REDIC1: variants seen among roughly 807,000 people sequenced by gnomAD.
REDIC1 encodes regulator of DNA class I crossover intermediates 1, also known as HEI10 Interacting Protein 1.
chr12:39,854,978 A>C, the REDIC1 span, among the ~76,000 whole-genome samples: 1 of 152,228 alleles, frequency 6.6e-6, no homozygotes, highest in Non-Finnish European at 1.5e-5. Context: ...GGATGAAAAG[A>C]AAATTACATC....
At chr12:39,807,827 T>C in the REDIC1 span, among the ~76,000 whole-genome samples, 4 of 152,124 alleles carry the variant, frequency 2.6e-5, no homozygotes, top group African/African-American at 9.7e-5. Context: ...CTTTTAATAA[T>C]CGTACCAGGA....
At chr12:39,710,884 T>TC in the REDIC1 span, among the ~76,000 whole-genome samples, 1 of 151,690 alleles carries the variant, frequency 6.6e-6, no homozygotes, top group Non-Finnish European at 1.5e-5. Flanking sequence ...TGTTTTTTTT[T>TC]CAGTATTCTT....
At chr12:39,772,871 CTCA>C in the REDIC1 span, among the ~76,000 whole-genome samples, 118,752 of 151,774 alleles carry the variant, frequency 0.78, 46,912 homozygotes, top group Non-Finnish European at 0.84. Flanking sequence ...CAAGTAGCTC[CTCA>C]TCATCCTCAT....
chr12:39,714,217 G>A, the REDIC1 span, among the ~76,000 whole-genome samples: 1 of 72,828 alleles, frequency 1.4e-5, no homozygotes, highest in Non-Finnish European at 4.0e-5. Context: ...ATGCATATAC[G>A]TATATGCATG....
chr12:39,822,879 T>C, the REDIC1 span, among the ~76,000 whole-genome samples: 1 of 152,244 alleles, frequency 6.6e-6, no homozygotes, highest in African/African-American at 2.4e-5. Flanking sequence ...ATTATTACAA[T>C]TAAATGTCAA....
the REDIC1 span, chr12:39,682,495 A>T: frequency 4.1e-5 from 23 of 564,240 alleles, no homozygotes; most frequent in African/African-American, 4.5e-4. Context: ...ATAAAAACAT[A>T]GTCTAGGTAA....
chr12:39,904,616 A>C, the REDIC1 span, among the ~76,000 whole-genome samples: 198 of 152,246 alleles, frequency 1.3e-3, no homozygotes, highest in Non-Finnish European at 2.6e-3. Flanking sequence ...CAGATGTTGC[A>C]GATGAGTTTA....
the REDIC1 span, among the ~76,000 whole-genome samples, chr12:39,801,979 C>G: frequency 6.6e-6 from 1 of 152,096 alleles, no homozygotes; most frequent in Non-Finnish European, 1.5e-5. Context: ...GAATCTAGTA[C>G]CAGGGGATAG....
chr12:39,774,312 C>T, the REDIC1 span, among the ~76,000 whole-genome samples: 1 of 152,280 alleles, frequency 6.6e-6, no homozygotes, highest in South Asian at 2.1e-4. Context: ...GAAATTCTAA[C>T]TTCCGGGCAT....
chr12:39,675,880 C>T, the REDIC1 span, among the ~76,000 whole-genome samples: 2 of 152,172 alleles, frequency 1.3e-5, no homozygotes, highest in Admixed American at 1.3e-4. Context: ...ATGTGCAGCC[C>T]CACCCATAGG....
the REDIC1 span, among the ~76,000 whole-genome samples, chr12:39,768,069 AG>A: frequency 6.6e-5 from 10 of 152,260 alleles, no homozygotes; most frequent in African/African-American, 2.2e-4. Context: ...AACTTGACGC[AG>A]CTTCTCCATC....
the REDIC1 span, chr12:39,759,718 A>G: frequency 3.8e-6 from 1 of 260,000 alleles, no homozygotes; most frequent in Non-Finnish European, 7.3e-6. Flanking sequence ...TGGTCTTAGG[A>G]AAAAAGGATA....
the REDIC1 span, among the ~76,000 whole-genome samples, chr12:39,867,388 T>G: frequency 3.9e-5 from 6 of 152,126 alleles, no homozygotes; most frequent in African/African-American, 1.4e-4. Context: ...CATATAAAGA[T>G]TCAAATAAAT....
the REDIC1 span, among the ~76,000 whole-genome samples, chr12:39,884,652 G>A: frequency 6.6e-6 from 1 of 152,116 alleles, no homozygotes; most frequent in Non-Finnish European, 1.5e-5. Context: ...CACTGAGGGT[G>A]ACCGCCATAC....
the REDIC1 span, among the ~76,000 whole-genome samples, chr12:39,753,536 A>G: frequency 6.6e-6 from 1 of 152,190 alleles, no homozygotes; most frequent in Non-Finnish European, 1.5e-5. Context: ...AGGAAGAAGG[A>G]CATCAGGCTA....
the REDIC1 span, chr12:39,626,253 A>T: frequency 1.3e-6 from 2 of 1,509,394 alleles, no homozygotes; most frequent in Non-Finnish European, 9.2e-7. Flanking sequence ...GCCCTGGGGG[A>T]TCCTGCTGAA....
At chr12:39,832,762 C>A in the REDIC1 span, among the ~76,000 whole-genome samples, 1 of 152,132 alleles carries the variant, frequency 6.6e-6, no homozygotes. Flanking sequence ...CACTTCCCAT[C>A]ATTTCAATAT....
At chr12:39,784,951 G>A in the REDIC1 span, among the ~76,000 whole-genome samples, 4 of 152,158 alleles carry the variant, frequency 2.6e-5, no homozygotes, top group East Asian at 1.9e-4. Flanking sequence ...CATTCAAAAA[G>A]TGACTTGGGT....
chr12:39,644,317 A>C, the REDIC1 span, among the ~76,000 whole-genome samples: 1 of 151,778 alleles, frequency 6.6e-6, no homozygotes, highest in Non-Finnish European at 1.5e-5. Flanking sequence ...TTTTTGCTTC[A>C]ATGACTAGTT....
Sources: gnomAD v4.1 joint callset for allele counts (sites outside exome capture counted in the v4.1 genomes callset) on GRCh38, gnomAD v4.1.1 for gene constraint, MANE v1.5 for transcripts, NCBI Gene and HGNC (gene_info 2026-07-23, HGNC 2026-07-21) for gene names.